PCDH11X: variants seen among roughly 807,000 people sequenced by gnomAD.
PCDH11X encodes protocadherin-11 X-linked.
In PCDH11X, 18 loss-of-function variants were observed where a neutral mutation model predicts 53.3. The observed-to-expected ratio is 0.34, with a 90% CI of 0.23 to 0.50. The LOEUF is 0.50. Ranked by LOEUF, PCDH11X falls within the 20% of genes least tolerant of loss-of-function variation. PCDH11X has a pLI of 0.98. For missense variants in PCDH11X, 570 were observed against 1,032.4 expected (o/e 0.55, Z 6.14); for synonymous variants, 279 against 393.3 (o/e 0.71, Z 3.44).
At chrX:91,964,530 C>T (rs1232849933) in intron 6 of PCDH11X, among the ~76,000 whole-genome samples, 1 of 111,825 alleles carries the variant, frequency 8.9e-6, no homozygotes, top group Non-Finnish European at 1.9e-5. Flanking sequence ...TTATTTGAAA[C>T]CTTAGTTATT....
intron 10 of PCDH11X, among the ~76,000 whole-genome samples, chrX:92,529,040 C>T (rs146890838): frequency 7.2e-5 from 8 of 111,331 alleles, no homozygotes; most frequent in African/African-American, 2.6e-4. Context: ...GGGTAGAATG[C>T]TTTAATGCAC....
chrX:92,011,215 A>C (rs1423063652), intron 6 of PCDH11X, among the ~76,000 whole-genome samples: 3 of 111,913 alleles, frequency 2.7e-5, no homozygotes, highest in African/African-American at 9.7e-5. Flanking sequence ...TGGCAGAACA[A>C]TTTATATTTC....
At chrX:92,073,859 T>C (rs1324927936) in intron 6 of PCDH11X, among the ~76,000 whole-genome samples, 1 of 111,763 alleles carries the variant, frequency 8.9e-6, no homozygotes. Context: ...CATTTTGGAA[T>C]TGTAGCAGGT....
At chrX:92,200,408 C>A (rs1467191122) in intron 6 of PCDH11X, among the ~76,000 whole-genome samples, 1 of 111,470 alleles carries the variant, frequency 9.0e-6, no homozygotes, top group Non-Finnish European at 1.9e-5. Flanking sequence ...TATGATCCAG[C>A]AATCCTACTG....
intron 7 of PCDH11X, among the ~76,000 whole-genome samples, chrX:92,256,198 C>T (rs1603235889): frequency 1.8e-5 from 2 of 111,551 alleles, no homozygotes; most frequent in South Asian, 7.6e-4. Flanking sequence ...CCGATTTTCC[C>T]GATTTTCCAG....
chrX:92,214,249 C>T (rs1456976757), intron 7 of PCDH11X, among the ~76,000 whole-genome samples: 1 of 111,871 alleles, frequency 8.9e-6, no homozygotes, highest in Non-Finnish European at 1.9e-5. Flanking sequence ...CAGTAGGGCA[C>T]ATTCAAATGC....
chrX:92,129,377 C>A (rs1047011402), intron 6 of PCDH11X, among the ~76,000 whole-genome samples: 1 of 111,447 alleles, frequency 9.0e-6, no homozygotes, highest in South Asian at 3.7e-4. Flanking sequence ...GGCAACAGAG[C>A]GAGACTCCGT....
intron 7 of PCDH11X, among the ~76,000 whole-genome samples, chrX:92,250,674 G>A (rs925497981): frequency 1.4e-4 from 15 of 105,429 alleles, no homozygotes; most frequent in African/African-American, 4.8e-4. Context: ...CATAAAAAAG[G>A]AATGAATTAC....
At chrX:92,071,814 G>A (rs2063706494) in intron 6 of PCDH11X, among the ~76,000 whole-genome samples, 1 of 112,008 alleles carries the variant, frequency 8.9e-6, no homozygotes, top group Non-Finnish European at 1.9e-5. Context: ...TGCAACTGGA[G>A]GTGTGGTGAT....
intron 6 of PCDH11X, among the ~76,000 whole-genome samples, chrX:91,910,610 G>A (rs1186237495): frequency 5.4e-5 from 6 of 110,155 alleles, no homozygotes; most frequent in Non-Finnish European, 1.1e-4. Context: ...CTCAAGATAA[G>A]TTACATTCTA....
chrX:92,379,613 G>C (rs931228688), intron 8 of PCDH11X, among the ~76,000 whole-genome samples: 1 of 110,591 alleles, frequency 9.0e-6, no homozygotes, highest in Non-Finnish European at 1.9e-5. Context: ...CCCACCTTCC[G>C]GTCAGAGAAG....
chrX:92,430,251 CA>C (rs1339572359), intron 9 of PCDH11X, among the ~76,000 whole-genome samples: 2 of 92,108 alleles, frequency 2.2e-5, no homozygotes, highest in Non-Finnish European at 4.8e-5. Context: ...AAATTCAGAA[CA>C]AAAGTATGTA....
chrX:92,059,455 C>A (rs1478299551), intron 6 of PCDH11X, among the ~76,000 whole-genome samples: 1 of 110,643 alleles, frequency 9.0e-6, no homozygotes, highest in Non-Finnish European at 1.9e-5. Flanking sequence ...CATATTGCTT[C>A]TGAGTACTCA....
At chrX:92,378,058 A>G (rs2070790479) in intron 8 of PCDH11X, among the ~76,000 whole-genome samples, 1 of 107,273 alleles carries the variant, frequency 9.3e-6, no homozygotes, top group Non-Finnish European at 1.9e-5. Context: ...GATCAATACA[A>G]TGTATTTTTG....
chrX:91,864,025 C>T (rs1261441520), intron 5 of PCDH11X, among the ~76,000 whole-genome samples: 3 of 111,747 alleles, frequency 2.7e-5, no homozygotes, highest in African/African-American at 6.5e-5. Context: ...GAGTAGTTTA[C>T]ACATTACAGT....
intron 10 of PCDH11X, among the ~76,000 whole-genome samples, chrX:92,545,808 T>A: frequency 9.1e-6 from 1 of 109,633 alleles, no homozygotes; most frequent in Non-Finnish European, 1.9e-5. Context: ...GATCGAAAAA[T>A]TAGTAGAATT....
At chrX:91,799,703 T>G (rs1935864596) in intron 1 of PCDH11X, among the ~76,000 whole-genome samples, 1 of 112,473 alleles carries the variant, frequency 8.9e-6, no homozygotes, top group Non-Finnish European at 1.9e-5. Context: ...TAAATTATCA[T>G]AAACACTGAA....
At chrX:92,314,491 A>T (rs1442331886) in intron 8 of PCDH11X, among the ~76,000 whole-genome samples, 1 of 112,045 alleles carries the variant, frequency 8.9e-6, no homozygotes, top group African/African-American at 3.2e-5. Flanking sequence ...GTAATATAGT[A>T]AATACATAAA....
intron 8 of PCDH11X, among the ~76,000 whole-genome samples, chrX:92,373,356 C>T (rs1350634851): frequency 9.0e-6 from 1 of 111,064 alleles, no homozygotes; most frequent in East Asian, 2.8e-4. Flanking sequence ...AAAGTTTGTA[C>T]AAATTTCCCT....
Sources: allele counts gnomAD v4.1 joint callset (sites outside exome capture counted in the v4.1 genomes callset), GRCh38; gene constraint gnomAD v4.1.1; transcripts MANE v1.5; gene names NCBI Gene and HGNC (gene_info 2026-07-23, HGNC 2026-07-21).